SH3RF2: variants seen among roughly 807,000 people sequenced by gnomAD.
SH3RF2 encodes the protein SH3 domain containing ring finger 2, also known as E3 ubiquitin-protein ligase SH3RF2.
SH3RF2 carries 43 observed loss-of-function variants against 59.0 expected under a neutral mutation model. The ratio of observed to expected loss-of-function variants is 0.73; its 90% CI spans 0.57 to 0.94. The LOEUF (loss-of-function observed/expected upper bound fraction) is 0.94, where lower values mean the gene tolerates loss of function less well. Ranked by LOEUF, SH3RF2 falls within the 40% of genes least tolerant of loss-of-function variation. The probability of loss-of-function intolerance (pLI) is 0.00; values close to 1 mark genes in which losing one functional copy is unlikely to be tolerated. For missense variants in SH3RF2, 930 were observed against 940.1 expected, an observed-to-expected ratio of 0.99 and a Z score of 0.14; for synonymous variants, 391 against 391.5, an observed-to-expected ratio of 1.00 and a Z score of 0.01.
intron 2 of SH3RF2, among the ~76,000 whole-genome samples, chr5:145,974,979 T>G (rs899125560): frequency 2.0e-5 from 3 of 152,018 alleles, no homozygotes; most frequent in African/African-American, 7.2e-5. Context: ...CACAGATGAG[T>G]CTCATGTGTC....
intron 3 of SH3RF2, among the ~76,000 whole-genome samples, chr5:146,002,375 C>T (rs1225627383): frequency 6.6e-6 from 1 of 151,960 alleles, no homozygotes; most frequent in African/African-American, 2.4e-5. Context: ...CGCTTGAACC[C>T]AGGAGGCGGA....
At chr5:145,985,380 C>A (rs1257748049) in intron 2 of SH3RF2, among the ~76,000 whole-genome samples, 2 of 152,142 alleles carry the variant, frequency 1.3e-5, no homozygotes, top group Non-Finnish European at 1.5e-5. Flanking sequence ...AACTTTTTGA[C>A]AATTGAGGAC....
intron 4 of SH3RF2, among the ~76,000 whole-genome samples, chr5:146,005,821 C>T (rs546950545): frequency 2.8e-5 from 4 of 142,830 alleles, no homozygotes; most frequent in South Asian, 4.4e-4. Context: ...TTGTACTTCA[C>T]AGGCTAGCCT....
intron 2 of SH3RF2, among the ~76,000 whole-genome samples, chr5:145,953,849 G>T (rs1758289737): frequency 6.6e-6 from 1 of 152,138 alleles, no homozygotes; most frequent in South Asian, 2.1e-4. Context: ...TAAGGACAAT[G>T]GCCTTCAGCT....
At chr5:145,965,973 G>T (rs1758842100) in intron 2 of SH3RF2, among the ~76,000 whole-genome samples, 2 of 152,158 alleles carry the variant, frequency 1.3e-5, no homozygotes, top group African/African-American at 2.4e-5. Context: ...CCAAAGAGTT[G>T]GGCAAGAGTA....
At position 146,062,591 on chromosome 5, in the gene SH3RF2, GGCTGCCACTCCGGACAGCA is replaced by G. The variant is rs1292674020; in HGVS notation, c.2082_2100del (p.Cys695GlnfsTer37). Reference sequence around the variant, plus strand: ...GACCGTCCTATTTGCCCACCGAAGTGGCTGCCACTCCGGACAGCAGACAGACCTCCGGAGAAAGTCAGCT... The same window carrying G: ...GACCGTCCTATTTGCCCACCGAAGTGGACAGACCTCCGGAGAAAGTCAGCT... On this transcript the variant is annotated frameshift_variant, in exon 10 of 10. Transcript: ENST00000359120. LOFTEE classifies it high-confidence loss of function. 3.1e-6 allele frequency: 5 copies of G among 1,614,038 alleles called. No individual in the cohort carries two copies. Among genetic ancestry groups the G allele is most frequent in the Non-Finnish European group, 4.2e-6 (5 of 1,180,018 alleles).
intron 2 of SH3RF2, among the ~76,000 whole-genome samples, chr5:145,987,211 A>T (rs974188370): frequency 1.3e-5 from 2 of 152,116 alleles, no homozygotes; most frequent in Non-Finnish European, 2.9e-5. Context: ...ATTTTTTTCC[A>T]TAAGTTATTG....
chr5:145,950,125 ATG>A (rs1758138951), intron 2 of SH3RF2, among the ~76,000 whole-genome samples: 1 of 152,172 alleles, frequency 6.6e-6, no homozygotes, highest in South Asian at 2.1e-4. Context: ...AGCTCACACC[ATG>A]TGCCCAGAAC....
intron 1 of SH3RF2, 51 bp from the exon 2 acceptor site, chr5:145,937,772 C>A (rs1757650182): frequency 1.2e-6 from 1 of 819,090 alleles, no homozygotes; most frequent in Non-Finnish European, 1.9e-6. Flanking sequence ...GTGGGATATA[C>A]CTCTCGGAGC....
chr5:145,953,349 C>A (rs913603797), intron 2 of SH3RF2, among the ~76,000 whole-genome samples: 1 of 152,010 alleles, frequency 6.6e-6, no homozygotes, highest in African/African-American at 2.4e-5. Context: ...ACATCCTGAC[C>A]CTGTTCTCAA....
At chr5:145,975,096 C>A (rs1359435330) in intron 2 of SH3RF2, among the ~76,000 whole-genome samples, 1 of 152,236 alleles carries the variant, frequency 6.6e-6, no homozygotes, top group Non-Finnish European at 1.5e-5. Flanking sequence ...CAGTGCCCTA[C>A]ACGCATGTTC....
chr5:146,033,273 GTGAGATTA>G (rs1761802784), intron 5 of SH3RF2, among the ~76,000 whole-genome samples: 1 of 151,926 alleles, frequency 6.6e-6, no homozygotes, highest in African/African-American at 2.4e-5. Flanking sequence ...TCTTATCTCA[GTGAGATTA>G]CACACTCCTT....
chr5:146,052,052 T>A (rs921335299), intron 7 of SH3RF2, among the ~76,000 whole-genome samples: 1 of 152,154 alleles, frequency 6.6e-6, no homozygotes, highest in Admixed American at 6.5e-5. Flanking sequence ...CCCTAATTCA[T>A]GAACGGTTTC....
intron 2 of SH3RF2, among the ~76,000 whole-genome samples, chr5:145,993,481 G>T (rs1760030846): frequency 6.6e-6 from 1 of 152,220 alleles, no homozygotes; most frequent in Admixed American, 6.5e-5. Flanking sequence ...GCAAAATTCT[G>T]CCTGGACATC....
intron 9 of SH3RF2, among the ~76,000 whole-genome samples, chr5:146,071,311 G>C (rs1763234085): frequency 6.6e-6 from 1 of 152,202 alleles, no homozygotes; most frequent in Non-Finnish European, 1.5e-5. Context: ...CTCTGTCAAG[G>C]AGAGGGTAGA....
At chr5:145,969,596 G>A (rs923934680) in intron 2 of SH3RF2, among the ~76,000 whole-genome samples, 4 of 152,038 alleles carry the variant, frequency 2.6e-5, no homozygotes, top group South Asian at 2.1e-4. Context: ...CCAGCCGTGC[G>A]TGGTGGTACG....
At position 146,061,741 on chromosome 5, in the gene SH3RF2, A is replaced by G. The variant is rs186081212; in HGVS notation, c.1915-685A>G. Among the ~76,000 whole-genome samples, 4 of 152,312 alleles carry G rather than the reference A, an allele frequency of 2.6e-5. No individual in the cohort carries two copies. The East Asian group carries it at 7.7e-4, about 29-fold the overall frequency. ...AATTGGCATAAACTGGAGACCTTGCATCTCATATAAAGGGGGCACTGCTTC... is the reference window on the plus strand; with the variant it reads ...AATTGGCATAAACTGGAGACCTTGCGTCTCATATAAAGGGGGCACTGCTTC... On this transcript the variant is annotated intron_variant, in intron 9 of 9. Coordinates refer to ENST00000359120, the MANE Select transcript of SH3RF2 (RefSeq NM_152550.4).
At chr5:145,956,653 C>T (rs986614033) in intron 2 of SH3RF2, among the ~76,000 whole-genome samples, 8 of 151,916 alleles carry the variant, frequency 5.3e-5, no homozygotes, top group Non-Finnish European at 1.0e-4. Context: ...AAATTATAGA[C>T]GTATACTACT....
chr5:145,959,013 A>G (rs188096327), intron 2 of SH3RF2, among the ~76,000 whole-genome samples: 2 of 152,294 alleles, frequency 1.3e-5, no homozygotes, highest in African/African-American at 2.4e-5. Context: ...GCAGTTTCCA[A>G]AGACTCCAGG....
Sources: allele counts gnomAD v4.1 joint callset (sites outside exome capture counted in the v4.1 genomes callset), GRCh38; gene constraint gnomAD v4.1.1; transcripts MANE v1.5; gene names NCBI Gene and HGNC (gene_info 2026-07-23, HGNC 2026-07-21).